The following C1orf21 variants were observed in gnomAD, a reference collection of about 807,000 sequenced individuals.
C1orf21 encodes chromosome 1 open reading frame 21, also known as uncharacterized protein C1orf21.
Under a neutral mutation model 18.7 loss-of-function variants are expected in C1orf21, and 3 were observed. That is an observed-to-expected ratio of 0.16 (90% CI 0.07 to 0.42). The LOEUF is 0.42. C1orf21 is among the 10% of genes least tolerant of loss of function. C1orf21 has a pLI of 0.99. For synonymous variants in C1orf21, 41 were observed against 46.4 expected (o/e 0.88, Z 0.47); for missense variants, 104 against 143.6 (o/e 0.72, Z 1.41).
intron 1 of C1orf21, among the ~76,000 whole-genome samples, chr1:184,446,851 GTTTT>G (rs928078620): frequency 7.7e-5 from 10 of 129,120 alleles, no homozygotes; most frequent in African/African-American, 2.3e-4. Context: ...TTTTTTCGTG[GTTTT>G]TTTTTTTTTT....
chr1:184,519,091 A>G (rs916777698), intron 3 of C1orf21, among the ~76,000 whole-genome samples: 1 of 152,186 alleles, frequency 6.6e-6, no homozygotes, highest in African/African-American at 2.4e-5. Flanking sequence ...GCCAGTTTGC[A>G]GTATTTGTAA....
intron 1 of C1orf21, among the ~76,000 whole-genome samples, chr1:184,395,686 A>G (rs942702652): frequency 6.6e-6 from 1 of 152,146 alleles, no homozygotes; most frequent in African/African-American, 2.4e-5. Flanking sequence ...AGTGGGAAGC[A>G]GACTGTGCAT....
At chr1:184,479,675 A>T (rs917571145) in intron 2 of C1orf21, among the ~76,000 whole-genome samples, 1 of 127,330 alleles carries the variant, frequency 7.9e-6, no homozygotes, top group Non-Finnish European at 1.5e-5. Context: ...GCTGGAGTGC[A>T]GTGGTGCGAT....
At chr1:184,450,116 A>T (rs1183468516) in intron 1 of C1orf21, among the ~76,000 whole-genome samples, 1 of 152,116 alleles carries the variant, frequency 6.6e-6, no homozygotes, top group Non-Finnish European at 1.5e-5. Context: ...TTGTAGGTGG[A>T]TGCCTGATAC....
Position 184,392,141 on chromosome 1 carries a change from A to G in C1orf21, c.-125+4773A>G, listed in dbSNP as rs545106296. On this transcript the variant is annotated intron_variant, in intron 1 of 5. Transcript: ENST00000235307. The stretch of plus-strand genomic sequence containing the variant: ...TATTTGCCTCAGGGATTTGGTGAAT[A>G]ACAGTGCCTAATATTTATAGTGTGC... 1.1e-4 allele frequency among the ~76,000 whole-genome samples: 16 copies of G among 152,348 alleles called. No homozygotes were observed. In the South Asian group the frequency reaches 3.3e-3, roughly 32 times the overall value.
At chr1:184,416,470 C>G (rs1273031045) in intron 1 of C1orf21, among the ~76,000 whole-genome samples, 2 of 152,054 alleles carry the variant, frequency 1.3e-5, no homozygotes, top group African/African-American at 4.8e-5. Context: ...TTCCAAGTAG[C>G]TTTGGTGATT....
At position 184,627,597 on chromosome 1, in the gene C1orf21, C is replaced by T. The variant is rs1307521834; in HGVS notation, c.*8041C>T. 1 of 152,230 alleles carries T rather than the reference C, an allele frequency of 6.6e-6. No individual in the cohort carries two copies. Among genetic ancestry groups the T allele is most frequent in the African/African-American group, 2.4e-5 (1 of 41,452 alleles). The allele number at this position is 152,230 out of a possible 1,614,324, so 9.4% of individuals were successfully genotyped here. A position where few individuals can be genotyped will look rare whatever the true frequency, so the allele number is the denominator to read the frequency against. On this transcript the variant is annotated 3_prime_UTR_variant, in exon 6 of 6. Coordinates refer to ENST00000235307, the MANE Select transcript of C1orf21 (RefSeq NM_030806.4). ...TTCTGGACCCTTGGAAAGATGTTAG[C>T]TCAAACACCCACTTTTTCCAGATCT...
At chr1:184,455,210 C>G (rs1300221487) in intron 1 of C1orf21, among the ~76,000 whole-genome samples, 4 of 152,192 alleles carry the variant, frequency 2.6e-5, no homozygotes, top group Non-Finnish European at 5.9e-5. Context: ...AACAAGTTCT[C>G]AAAGCCTGAG....
Position 184,566,373 on chromosome 1 carries a change from G to C in C1orf21, c.190-24366G>C. On this transcript the variant is annotated intron_variant, in intron 3 of 5. Coordinates refer to ENST00000235307, the MANE Select transcript of C1orf21 (RefSeq NM_030806.4). ...AAGGCATGAAGAAACCAAGTGACACGCTTCAATTCAGAGCCTAAAGAAGAG... is the reference window on the plus strand; with the variant it reads ...AAGGCATGAAGAAACCAAGTGACACCCTTCAATTCAGAGCCTAAAGAAGAG... 1.3e-5 allele frequency: 2 copies of C among 153,620 alleles called. 1 individual carries two copies. 9.5% of individuals were successfully genotyped at this position (153,620 alleles called of 1,614,324 possible).
At chr1:184,532,513 G>C (rs549158873) in intron 3 of C1orf21, among the ~76,000 whole-genome samples, 1 of 152,122 alleles carries the variant, frequency 6.6e-6, no homozygotes, top group African/African-American at 2.4e-5. Flanking sequence ...GGGAGACTGA[G>C]GCTGGAGGAT....
At chr1:184,539,306 T>TA (rs1427391846) in intron 3 of C1orf21, among the ~76,000 whole-genome samples, 1 of 152,240 alleles carries the variant, frequency 6.6e-6, no homozygotes, top group Non-Finnish European at 1.5e-5. Flanking sequence ...GATTGATTTT[T>TA]ATATGTTGAA....
chr1:184,459,135 G>T (rs1657264884), intron 1 of C1orf21, among the ~76,000 whole-genome samples: 2 of 152,086 alleles, frequency 1.3e-5, no homozygotes, highest in South Asian at 4.1e-4. Flanking sequence ...CTTTTCCAGG[G>T]TTCTAAACTT....
rs1210498049 is a variant in C1orf21, at chr1:184,387,745, G to C, written c.-125+377G>C. 2.0e-5 allele frequency among the ~76,000 whole-genome samples: 3 copies of C among 152,204 alleles called. No individual in the cohort carries two copies. Among genetic ancestry groups the C allele is most frequent in the African/African-American group, 7.2e-5 (3 of 41,552 alleles). On this transcript the variant is annotated intron_variant, in intron 1 of 5. Transcript: ENST00000235307. This position sits in a 1 kb window ranked among gnomAD's most constrained non-coding sequence, Gnocchi z 5.6. Reference sequence around the variant, plus strand: ...GCACCCTGCCGCCCTCAGCCTTCCTGCTCTCCTCTAGCTTTGCATGTAGCC... The same window carrying C: ...GCACCCTGCCGCCCTCAGCCTTCCTCCTCTCCTCTAGCTTTGCATGTAGCC...
rs1271570432 is a variant in C1orf21 at position 184,430,779 on chromosome 1, G to T, written c.-125+43411G>T. 2.6e-5 allele frequency among the ~76,000 whole-genome samples: 4 copies of T among 152,032 alleles called. No homozygotes were observed. In the East Asian group the frequency reaches 5.8e-4, roughly 22 times the overall value. ...CCTTCTTTTAAGATCTGGTGCCTCT[G>T]GTTCCATATTAAATTTAAAGTAGTT... is the stretch of plus-strand genomic sequence containing the variant. On this transcript the variant is annotated intron_variant, in intron 1 of 5. Transcript: ENST00000235307.
At chr1:184,473,218 C>T (rs1019469140) in intron 1 of C1orf21, among the ~76,000 whole-genome samples, 1 of 152,152 alleles carries the variant, frequency 6.6e-6, no homozygotes, top group African/African-American at 2.4e-5. Flanking sequence ...TAGAAGATTC[C>T]ATCAAATGTC....
At chr1:184,544,551 T>G (rs915789890) in intron 3 of C1orf21, among the ~76,000 whole-genome samples, 3 of 152,224 alleles carry the variant, frequency 2.0e-5, no homozygotes, top group African/African-American at 7.2e-5. Flanking sequence ...GGTAGATAAT[T>G]TATCAATATC....
intron 3 of C1orf21, among the ~76,000 whole-genome samples, chr1:184,546,851 C>T (rs896347418): frequency 1.3e-5 from 2 of 152,198 alleles, no homozygotes; most frequent in Non-Finnish European, 2.9e-5. Context: ...CAAAGCCCAG[C>T]ACTAAGGTGC....
Position 184,548,849 on chromosome 1 carries a change from C to T in C1orf21, c.189+41167C>T, listed in dbSNP as rs987693079. On this transcript the variant is annotated intron_variant, in intron 3 of 5. Transcript: ENST00000235307. ...AAAAGTCACGGTTGTTTTCATACCACGTTAAAGTTGTTGAAATATTAATGC... is the reference window on the plus strand; with the variant it reads ...AAAAGTCACGGTTGTTTTCATACCATGTTAAAGTTGTTGAAATATTAATGC... 5.3e-5 allele frequency among the ~76,000 whole-genome samples: 8 copies of T among 152,158 alleles called. No individual in the cohort carries two copies. The East Asian group carries it at 1.2e-3, about 22-fold the overall frequency.
At chr1:184,487,105 A>T (rs1327092011) in intron 2 of C1orf21, among the ~76,000 whole-genome samples, 1 of 151,992 alleles carries the variant, frequency 6.6e-6, no homozygotes, top group Admixed American at 6.6e-5. Flanking sequence ...TTCTTTACCT[A>T]TTGCACTTCC....
Sources: gnomAD v4.1 joint callset for allele counts (sites outside exome capture counted in the v4.1 genomes callset) on GRCh38, gnomAD v4.1.1 for gene constraint, Gnocchi (gnomAD v3.1) non-coding constraint, MANE v1.5 for transcripts, NCBI Gene and HGNC (gene_info 2026-07-23, HGNC 2026-07-21) for gene names.